The following ZC3H8 variants were observed in gnomAD, a reference collection of about 807,000 sequenced individuals.
ZC3H8 encodes the protein zinc finger CCCH domain-containing protein 8.
A neutral mutation model predicts 42.5 loss-of-function variants in ZC3H8; 27 were observed. That is an observed-to-expected ratio of 0.64 (90% CI 0.47 to 0.88). The LOEUF is 0.88. Ranked by LOEUF, ZC3H8 falls within the 40% of genes least tolerant of loss-of-function variation. The pLI is 0.00. For missense variants in ZC3H8, 277 were observed against 336.1 expected (o/e 0.82, Z 1.37); for synonymous variants, 101 against 110.1 (o/e 0.92, Z 0.52).
chr2:112,249,565 T>C (rs371643539), intron 2 of ZC3H8, among the ~76,000 whole-genome samples: 2 of 152,160 alleles, frequency 1.3e-5, no homozygotes, highest in South Asian at 4.1e-4. Context: ...TGCCTCAGCC[T>C]CCCTAGTAGC....
At chr2:112,241,908 A>C (rs80068709) in intron 2 of ZC3H8, among the ~76,000 whole-genome samples, 1 of 152,322 alleles carries the variant, frequency 6.6e-6, no homozygotes, top group South Asian at 2.1e-4. Flanking sequence ...AAAAACTTGA[A>C]AAGGGGTCCA....
chr2:112,213,786 A>G lies in ZC3H8; in HGVS notation c.*2698T>C. ...GCGAGACTCCGTCTCAAAAAAAAAA[A>G]AAAAAAAAAAAAAAAAAAAAAAAAA... On this transcript the variant is annotated 3_prime_UTR_variant, in exon 9 of 9. Transcript: ENST00000409573. The G allele has an allele frequency of 6.9e-6, 1 of 144,670 alleles. No individual in the cohort carries two copies. The allele number at this position is 144,670 out of a possible 1,614,324, so 9.0% of individuals were successfully genotyped here. A position where few individuals can be genotyped will look rare whatever the true frequency, so the allele number is the denominator to read the frequency against.
At chr2:112,223,040 A>G (rs2104644551) in intron 8 of ZC3H8, among the ~76,000 whole-genome samples, 1 of 152,186 alleles carries the variant, frequency 6.6e-6, no homozygotes, top group East Asian at 1.9e-4. Flanking sequence ...GTTCTCACTC[A>G]TAGGTGGGAA....
intron 8 of ZC3H8, among the ~76,000 whole-genome samples, chr2:112,219,983 A>G (rs1684514872): frequency 1.3e-5 from 2 of 152,140 alleles, no homozygotes; most frequent in Admixed American, 1.3e-4. Context: ...CTGTCTTTTT[A>G]TGTTTTCCAT....
intron 2 of ZC3H8, among the ~76,000 whole-genome samples, chr2:112,248,455 C>A (rs1175564636): frequency 1.3e-5 from 2 of 152,178 alleles, no homozygotes; most frequent in African/African-American, 4.8e-5. Context: ...TTATAAGTCT[C>A]AGTGACAATT....
intron 2 of ZC3H8, among the ~76,000 whole-genome samples, chr2:112,246,329 AC>A (rs1685762719): frequency 6.6e-6 from 1 of 152,276 alleles, no homozygotes; most frequent in Non-Finnish European, 1.5e-5. Flanking sequence ...AGAAATAAAT[AC>A]AAAATACACT....
At chr2:112,221,556 G>C (rs1313526091) in intron 8 of ZC3H8, among the ~76,000 whole-genome samples, 1 of 152,088 alleles carries the variant, frequency 6.6e-6, no homozygotes, top group Non-Finnish European at 1.5e-5. Context: ...AACTAATACA[G>C]TCTTCTTTAT....
In ZC3H8 at chr2:112,230,849, C is replaced by T. The variant is rs2104652339; in HGVS notation, c.*15+54G>A. 8 of 1,196,982 alleles carry T rather than the reference C, an allele frequency of 6.7e-6. No homozygotes were observed. In the South Asian group the frequency reaches 1.3e-4, roughly 19 times the overall value. The allele number at this position is 1,196,982 out of a possible 1,614,324, so 74.1% of individuals were successfully genotyped here. On this transcript the variant is annotated intron_variant, in intron 8 of 8. Coordinates refer to ENST00000409573, the MANE Select transcript of ZC3H8 (RefSeq NM_032494.3). ...GAACCCTATTGAGGTTGCATGCCAA[C>T]TTCTGGAGATGTTCAGACAAGAAAA...
rs1201437532 is a variant in ZC3H8 at position 112,212,988 on chromosome 2, T to TA, written c.*3495dup. ...TGCTTTTTTTTTTTTTTTTTTTTTT[T>TA]ATAAGAGACAAGGCTCTGTTGCCCA... is the stretch of plus-strand genomic sequence containing the variant. On this transcript the variant is annotated 3_prime_UTR_variant, in exon 9 of 9. Coordinates refer to ENST00000409573, the MANE Select transcript of ZC3H8 (RefSeq NM_032494.3). The TA allele has an allele frequency of 1.0e-4, 12 of 115,568 alleles. No individual in the cohort carries two copies. The highest frequency in any genetic ancestry group is 1.8e-4 in the Non-Finnish European group (10 of 54,224). 7.2% of individuals were successfully genotyped at this position (115,568 alleles called of 1,614,324 possible).
At chr2:112,236,469 C>T in intron 4 of ZC3H8, 93 bp downstream of exon 4, 1 of 1,519,132 alleles carries the variant, frequency 6.6e-7, no homozygotes. Flanking sequence ...TTCCACCTCT[C>T]CATATCACAT....
chr2:112,221,173 G>A (rs755206231), intron 8 of ZC3H8, among the ~76,000 whole-genome samples: 1 of 152,096 alleles, frequency 6.6e-6, no homozygotes, highest in Non-Finnish European at 1.5e-5. Context: ...TTGAATCTGT[G>A]TCCCTGCTCA....
At chr2:112,226,605 A>AAAAAAAAAAT (rs60734001) in intron 8 of ZC3H8, among the ~76,000 whole-genome samples, 2 of 150,026 alleles carry the variant, frequency 1.3e-5, no homozygotes, top group African/African-American at 4.9e-5. Context: ...AAAAAAAAAA[A>AAAAAAAAAAT]GCTCAGGCCC....
chr2:112,236,180 C>T (rs1273675765), intron 4 of ZC3H8, among the ~76,000 whole-genome samples: 4 of 152,128 alleles, frequency 2.6e-5, no homozygotes, highest in Non-Finnish European at 5.9e-5. Flanking sequence ...AGAAGAATCA[C>T]TTGAACCCGA....
chr2:112,238,551 A>G (rs1685448679), intron 2 of ZC3H8, 23 bp from the exon 3 acceptor site: 3 of 1,570,726 alleles, frequency 1.9e-6, no homozygotes, highest in African/African-American at 2.7e-5. Context: ...TAAAACTTCA[A>G]TTTTAAAAAC....
At position 112,212,964 on chromosome 2, in the gene ZC3H8, G is replaced by GTTTTTT. The variant is rs1434678119; in HGVS notation, c.*3519_*3520insAAAAAA. The GTTTTTT allele has an allele frequency of 1.0e-5, 1 of 99,442 alleles. No individual in the cohort carries two copies. The highest frequency in any genetic ancestry group is 4.0e-5 in the African/African-American group (1 of 24,902). The allele number at this position is 99,442 out of a possible 1,614,324, so 6.2% of individuals were successfully genotyped here. A position where few individuals can be genotyped will look rare whatever the true frequency, so the allele number is the denominator to read the frequency against. On this transcript the variant is annotated 3_prime_UTR_variant, in exon 9 of 9. Transcript: ENST00000409573. ...TCAGCAAGCACAACTCAGAAGAAAT[G>GTTTTTT]CTTTTTTTTTTTTTTTTTTTTTTTA...
At chr2:112,230,130 A>C (rs1456166337) in intron 8 of ZC3H8, among the ~76,000 whole-genome samples, 1 of 152,214 alleles carries the variant, frequency 6.6e-6, no homozygotes, top group African/African-American at 2.4e-5. Context: ...ACCAGTAAGC[A>C]TAAGAAAAGA....
intron 4 of ZC3H8, 128 bp downstream of exon 4, chr2:112,236,434 T>G: frequency 2.4e-6 from 3 of 1,275,902 alleles, no homozygotes; most frequent in Non-Finnish European, 2.1e-6. Flanking sequence ...GACATCTTCA[T>G]CCGAAAACCG....
At chr2:112,227,417 C>T (rs765051064) in intron 8 of ZC3H8, among the ~76,000 whole-genome samples, 14 of 152,112 alleles carry the variant, frequency 9.2e-5, no homozygotes, top group African/African-American at 2.4e-4. Flanking sequence ...CCCAGGTACT[C>T]GGGAGGCTGA....
chr2:112,238,497 G>C lies in ZC3H8; in HGVS notation c.188C>G (p.Ser63Trp). 4.3e-6 allele frequency: 7 copies of C among 1,611,268 alleles called. No homozygotes were observed. The highest frequency in any genetic ancestry group is 5.1e-6 in the Non-Finnish European group (6 of 1,179,626). Residue 63 changes from serine (S) to tryptophan (W), a missense_variant, in exon 3 of 9, where the codon TCG (serine) becomes TGG (tryptophan). By Grantham distance (177) the Ser-to-Trp change is radical (BLOSUM62 -3). Transcript: ENST00000409573. ...FRHSAISPKS[S>W]LHRKSRSKDY... ...CTTACTTCTTGATTTTCTATGCAGC[G>C]AACTTTTTGGTGATATTGCAGAGTG...
Sources: gnomAD v4.1 joint callset for allele counts (sites outside exome capture counted in the v4.1 genomes callset) on GRCh38, gnomAD v4.1.1 for gene constraint, MANE v1.5 for transcripts, NCBI Gene and HGNC (gene_info 2026-07-23, HGNC 2026-07-21) for gene names.